MLPH: variants seen among roughly 807,000 people sequenced by gnomAD.
The protein encoded by MLPH is exophilin-3.
In MLPH, 51 loss-of-function variants were observed where a neutral mutation model predicts 72.1. The ratio of observed to expected loss-of-function variants is 0.71; its 90% CI spans 0.56 to 0.89. The LOEUF is 0.89. Ranked by LOEUF, MLPH falls within the 40% of genes least tolerant of loss-of-function variation. The pLI is 0.00. For missense variants in MLPH, 743 were observed against 759.9 expected, an observed-to-expected ratio of 0.98 and a Z score of 0.26; for synonymous variants, 301 against 310.1, an observed-to-expected ratio of 0.97 and a Z score of 0.31.
intron 15 of MLPH, chr2:237,553,157 G>A (rs944210328): frequency 2.1e-6 from 1 of 476,268 alleles, no homozygotes; most frequent in South Asian, 1.5e-5. Context: ...AGAGGCTGAA[G>A]GGAAGTTACA....
intron 8 of MLPH, among the ~76,000 whole-genome samples, chr2:237,528,182 A>C (rs2080344221): frequency 6.6e-6 from 1 of 152,188 alleles, no homozygotes; most frequent in Admixed American, 6.5e-5. Context: ...TGATGAAAGG[A>C]GCCCTGGAGA....
Position 237,554,192 on chromosome 2 carries a change from G to C in MLPH, c.*600G>C, listed in dbSNP as rs1444536928. On this transcript the variant is annotated 3_prime_UTR_variant, in exon 16 of 16. Transcript: ENST00000264605. ...AGTTCCCATGTGATCTGTAGACCAG[G>C]GGAAATTACACTGCGGTCAAGGGCA... 1 of 207,370 alleles carries C rather than the reference G, an allele frequency of 4.8e-6. No homozygotes were observed. The highest frequency in any genetic ancestry group is 9.9e-6 in the Non-Finnish European group (1 of 101,188). The allele number at this position is 207,370 out of a possible 1,614,324, so 12.8% of individuals were successfully genotyped here.
At chr2:237,514,684 C>T (rs755264619) in intron 4 of MLPH, among the ~76,000 whole-genome samples, 19 of 152,216 alleles carry the variant, frequency 1.2e-4, no homozygotes, top group East Asian at 3.8e-4. Flanking sequence ...GGCAGGCATC[C>T]GCTGAGTGTG....
At chr2:237,495,134 C>T (rs990782779) in intron 2 of MLPH, among the ~76,000 whole-genome samples, 2 of 152,184 alleles carry the variant, frequency 1.3e-5, no homozygotes, top group African/African-American at 4.8e-5. Flanking sequence ...CTGCCTCTCT[C>T]TCACCCTCCC....
intron 4 of MLPH, among the ~76,000 whole-genome samples, chr2:237,517,750 TGGATGGA>T (rs2080080526): frequency 2.0e-5 from 3 of 149,106 alleles, no homozygotes; most frequent in African/African-American, 5.0e-5. Flanking sequence ...GATGGATGGA[TGGATGGA>T]TGGATGGATA....
At position 237,541,021 on chromosome 2, in the gene MLPH, C is replaced by G. The variant is rs528010509; in HGVS notation, c.1446+64C>G. On this transcript the variant is annotated intron_variant, in intron 11 of 15. Transcript: ENST00000264605. The surrounding 1 kb of genome is among the most constrained non-coding windows in gnomAD (Gnocchi z 5.1). ...ACACAGATGGTGACCACACCCAGGC[C>G]TTGAACATCTGCCAGCTCTAACATC... 38 of 1,540,822 alleles carry G rather than the reference C, an allele frequency of 2.5e-5. No homozygotes were observed. Among genetic ancestry groups the G allele is most frequent in the Non-Finnish European group, 3.0e-5 (34 of 1,137,634 alleles).
intron 2 of MLPH, among the ~76,000 whole-genome samples, chr2:237,503,625 T>C (rs1364001995): frequency 6.6e-6 from 1 of 152,150 alleles, no homozygotes; most frequent in Non-Finnish European, 1.5e-5. Flanking sequence ...TCTTTTGTGC[T>C]CCAGTCCCCA....
In MLPH at chr2:237,505,564, A is replaced by G. The variant is rs879316773; in HGVS notation, c.111-5010A>G. Among the ~76,000 whole-genome samples the G allele has an allele frequency of 6.6e-5, 10 of 152,040 alleles. No individual in the cohort carries two copies. Among genetic ancestry groups the G allele is most frequent in the Admixed American group, 1.3e-4 (2 of 15,276 alleles). ...TTCAGGGGTGGCCACCAGCCCCGCC[A>G]TCCTGGGCTCTCCCCAGTATTCCTG... On this transcript the variant is annotated intron_variant, in intron 2 of 15. Transcript: ENST00000264605. The surrounding 1 kb of genome is among the most constrained non-coding windows in gnomAD (Gnocchi z 4.5).
Position 237,541,105 on chromosome 2 carries a change from C to T in MLPH, c.1446+148C>T, listed in dbSNP as rs1479376323. On this transcript the variant is annotated intron_variant, in intron 11 of 15. Transcript: ENST00000264605. The surrounding 1 kb of genome is among the most constrained non-coding windows in gnomAD (Gnocchi z 5.1). ...AGCATGCACGGCTCTGAAGGCCAGG[C>T]ATGAACCTGGGGGTTTCTGGGGGAC... 2.7e-6 allele frequency: 3 copies of T among 1,129,080 alleles called. No homozygotes were observed. The highest frequency in any genetic ancestry group is 3.9e-6 in the Non-Finnish European group (3 of 768,372). 69.9% of individuals were successfully genotyped at this position (1,129,080 alleles called of 1,614,324 possible). A position where few individuals can be genotyped will look rare whatever the true frequency, so the allele number is the denominator to read the frequency against.
chr2:237,519,769 T>G (rs1248385319), intron 5 of MLPH, 141 bp from the exon 6 acceptor site: 3 of 1,215,036 alleles, frequency 2.5e-6, no homozygotes, highest in East Asian at 4.7e-5. Context: ...TTGTTCCTAG[T>G]GGAGGGGGTG....
At chr2:237,548,021 G>A (rs532327163) in intron 13 of MLPH, among the ~76,000 whole-genome samples, 44 of 152,316 alleles carry the variant, frequency 2.9e-4, no homozygotes, top group Non-Finnish European at 5.0e-4. Flanking sequence ...AGTGACACGC[G>A]ATGTTTTCAA....
At chr2:237,511,616 G>A (rs2079905774) in intron 4 of MLPH, 1 of 163,042 alleles carries the variant, frequency 6.1e-6, no homozygotes, top group Non-Finnish European at 1.3e-5. Context: ...AATACTACAT[G>A]TTTTCCAAGC....
chr2:237,492,592 C>T (rs897240708), intron 1 of MLPH, among the ~76,000 whole-genome samples: 1 of 152,118 alleles, frequency 6.6e-6, no homozygotes, highest in Admixed American at 6.5e-5. Context: ...CTGGGCAGCC[C>T]CACAGCTGAC....
At chr2:237,499,741 A>G (rs1406875259) in intron 2 of MLPH, among the ~76,000 whole-genome samples, 2 of 152,122 alleles carry the variant, frequency 1.3e-5, no homozygotes, top group Admixed American at 6.5e-5. Context: ...ATCCCATTTT[A>G]CTTTTTTTTT....
Position 237,518,541 on chromosome 2 carries a change from G to A in MLPH, c.448G>A (p.Gly150Arg). 6.2e-7 allele frequency: 1 copy of A among 1,612,248 alleles called. No individual in the cohort carries two copies. The highest frequency in any genetic ancestry group is 1.7e-4 in the Middle Eastern group (1 of 6,060). ...SLHGRLQGGA[G>R]PELISEERSG... ...AGTCATGCAGGTATCTATTGCAGCT[G>A]GGCCTGAACTGATATCTGAAGAGAG... Residue 150 changes from glycine (G) to arginine (R), a missense_variant and splice_region_variant, in exon 5 of 16, where the codon GGG becomes AGG. Coordinates refer to ENST00000264605, the MANE Select transcript of MLPH (RefSeq NM_024101.7).
intron 12 of MLPH, chr2:237,545,622 G>A (rs998130366): frequency 1.6e-6 from 2 of 1,285,306 alleles, no homozygotes; most frequent in Non-Finnish European, 2.0e-6. Flanking sequence ...GGCGCGGGAG[G>A]CTCACATCAG....
chr2:237,540,725 T>G lies in MLPH; in HGVS notation c.1291-77T>G, dbSNP rs1316127887. On this transcript the variant is annotated intron_variant, in intron 10 of 15. Coordinates refer to ENST00000264605, the MANE Select transcript of MLPH (RefSeq NM_024101.7). ...CCAGGGTTCAGAGAGGAGAGCAATATCGTGGTGAGTCCCCATCTGGGTGAA... is the reference window on the plus strand; with the variant it reads ...CCAGGGTTCAGAGAGGAGAGCAATAGCGTGGTGAGTCCCCATCTGGGTGAA... The G allele has an allele frequency of 3.2e-6, 5 of 1,575,832 alleles. No individual in the cohort carries two copies. The East Asian group carries it at 1.2e-4, about 36-fold the overall frequency.
At chr2:237,538,570 A>G (rs1322058427) in intron 9 of MLPH, among the ~76,000 whole-genome samples, 1 of 152,212 alleles carries the variant, frequency 6.6e-6, no homozygotes, top group Non-Finnish European at 1.5e-5. Context: ...GTCAGGCATC[A>G]GTGTCCTTTT....
chr2:237,534,781 G>A (rs933094080), intron 9 of MLPH, 134 bp downstream of exon 9: 132 of 764,004 alleles, frequency 1.7e-4, no homozygotes, highest in African/African-American at 3.4e-5. Flanking sequence ...TCTGTGTGTA[G>A]TTCTCAGAGA....
Sources: gnomAD v4.1 joint callset for allele counts (sites outside exome capture counted in the v4.1 genomes callset) on GRCh38, gnomAD v4.1.1 for gene constraint, Gnocchi (gnomAD v3.1) non-coding constraint, MANE v1.5 for transcripts, NCBI Gene and HGNC (gene_info 2026-07-23, HGNC 2026-07-21) for gene names.